Variants in UBR3 observed in about 807,000 individuals in gnomAD.
The protein encoded by UBR3 is ubiquitin protein ligase E3 component n-recognin 3.
A neutral mutation model predicts 243.2 loss-of-function variants in UBR3; 85 were observed. The observed-to-expected ratio is 0.35, with a 90% CI of 0.29 to 0.42. The LOEUF (loss-of-function observed/expected upper bound fraction) is 0.42. Ranked by LOEUF, UBR3 falls within the 10% of genes least tolerant of loss-of-function variation. UBR3 has a pLI of 1.00. For missense variants in UBR3, 1,686 were observed against 2,300.8 expected, an observed-to-expected ratio of 0.73 and a Z score of 5.47; for synonymous variants, 748 against 799.8, an observed-to-expected ratio of 0.94 and a Z score of 1.09.
chr2:169,968,344 A>C (rs947591238), intron 24 of UBR3, among the ~76,000 whole-genome samples: 1 of 152,086 alleles, frequency 6.6e-6, no homozygotes, highest in Non-Finnish European at 1.5e-5. Context: ...CTCTCTTCAT[A>C]TCCTCCTCCC....
intron 24 of UBR3, among the ~76,000 whole-genome samples, chr2:169,970,618 T>G (rs1237087697): frequency 8.6e-6 from 1 of 116,386 alleles, no homozygotes; most frequent in Non-Finnish European, 1.9e-5. Flanking sequence ...AATGATGATT[T>G]CCAATTTCAT....
At chr2:170,056,033 ACTCTCTGT>A (rs2091327616) in intron 33 of UBR3, among the ~76,000 whole-genome samples, 1 of 123,356 alleles carries the variant, frequency 8.1e-6, no homozygotes, top group African/African-American at 3.1e-5. Flanking sequence ...TTTGTGGCAG[ACTCTCTGT>A]CTGTCACCTA....
Position 169,981,127 on chromosome 2 carries a change from G to A in UBR3, c.3635-5518G>A, listed in dbSNP as rs1293269145. Among the ~76,000 whole-genome samples the A allele has an allele frequency of 5.9e-5, 9 of 152,004 alleles. No homozygotes were observed. The East Asian group carries it at 1.7e-3, about 29-fold the overall frequency. On this transcript the variant is annotated intron_variant, in intron 24 of 38. Transcript: ENST00000272793. ...CTAGTATAAATGATTGAATAAATAA[G>A]GTAGCATAGAGAAGTTTCCTATGCA...
intron 1 of UBR3, among the ~76,000 whole-genome samples, chr2:169,838,393 GTGTGTGTGT>G (rs2082181800): frequency 6.0e-4 from 5 of 8,398 alleles, no homozygotes; most frequent in African/African-American, 1.5e-3. Context: ...GCATTTGTGT[GTGTGTGTGT>G]GTGTGTGTGT....
intron 1 of UBR3, among the ~76,000 whole-genome samples, chr2:169,842,760 T>C (rs565038090): frequency 3.5e-4 from 54 of 152,214 alleles, no homozygotes; most frequent in African/African-American, 1.3e-3. Flanking sequence ...AGGGACAGAC[T>C]CCAGACACGC....
intron 2 of UBR3, among the ~76,000 whole-genome samples, chr2:169,873,747 T>C (rs10194560): frequency 0.99 from 150,146 of 152,302 alleles, 74,035 homozygotes; most frequent in East Asian, 1. Flanking sequence ...TGATTTGGTT[T>C]CAAATTACTG....
At chr2:169,879,236 C>A (rs2083731372) in intron 5 of UBR3, among the ~76,000 whole-genome samples, 1 of 151,534 alleles carries the variant, frequency 6.6e-6, no homozygotes, top group Non-Finnish European at 1.5e-5. Context: ...TAATTAAAAT[C>A]TAAAAAATAA....
chr2:170,024,332 C>T (rs944806634), intron 30 of UBR3, among the ~76,000 whole-genome samples: 2 of 114,574 alleles, frequency 1.7e-5, no homozygotes, highest in Non-Finnish European at 3.3e-5. Flanking sequence ...CCATCTTGGG[C>T]GACAGTGCGA....
rs539873531 is a variant in UBR3, at chr2:169,917,319, T to C, written c.1866+3173T>C. 1.7e-4 allele frequency among the ~76,000 whole-genome samples: 26 copies of C among 152,320 alleles called. No individual in the cohort carries two copies. In the South Asian group the frequency reaches 5.4e-3, roughly 32 times the overall value. On this transcript the variant is annotated intron_variant, in intron 11 of 38. Transcript: ENST00000272793. ...CCCACTTCCAACCTGCTTCCCTCCT[T>C]CTTCACCCTGTCCAGGGTCAGTCCC...
intron 1 of UBR3, among the ~76,000 whole-genome samples, chr2:169,869,253 GCT>G (rs1317099935): frequency 1.7e-4 from 19 of 109,178 alleles, no homozygotes; most frequent in African/African-American, 5.8e-4. Context: ...ATGGAGTCTT[GCT>G]CTGTCACCTA....
In UBR3 at chr2:169,878,084, G is replaced by A. The variant is rs549513906; in HGVS notation, c.989-441G>A. ...ATTTGAGATAAATGTTGGAGGCTGG[G>A]CACGGAGGCTTATGCCTATAAATCC... On this transcript the variant is annotated intron_variant, in intron 4 of 38. Coordinates refer to ENST00000272793, the MANE Select transcript of UBR3 (RefSeq NM_172070.4). 2.9e-3 allele frequency among the ~76,000 whole-genome samples: 441 copies of A among 152,328 alleles called. 2 individuals are homozygous for A. Among genetic ancestry groups the A allele is most frequent in the African/African-American group, 0.01 (424 of 41,582 alleles).
At chr2:169,895,613 T>C (rs561604576) in intron 7 of UBR3, among the ~76,000 whole-genome samples, 9 of 152,226 alleles carry the variant, frequency 5.9e-5, no homozygotes, top group African/African-American at 2.2e-4. Context: ...AAATATGTAG[T>C]TACAAATTGT....
intron 35 of UBR3, among the ~76,000 whole-genome samples, chr2:170,061,848 T>A (rs76620276): frequency 0.043 from 6,529 of 152,342 alleles, 155 homozygotes; most frequent in Middle Eastern, 0.061. Context: ...CATATGACTA[T>A]ATGTTAATCT....
chr2:169,874,456 A>G (rs2083534227), intron 2 of UBR3, among the ~76,000 whole-genome samples: 1 of 152,194 alleles, frequency 6.6e-6, no homozygotes, highest in Admixed American at 6.5e-5. Flanking sequence ...GGTGTGAGCC[A>G]TTGTGCCCAG....
chr2:169,838,387 TTGTGTGTGTGTGTGTGTGTG>T (rs544974959), intron 1 of UBR3, among the ~76,000 whole-genome samples: 2,021 of 114,464 alleles, frequency 0.018, 30 homozygotes, highest in African/African-American at 0.04. Context: ...ATTAAGGCAT[TTGTGTGTGTGTGTGTGTGTG>T]TGTGTGTGTG....
chr2:169,935,354 A>G (rs2105352001), intron 19 of UBR3, among the ~76,000 whole-genome samples: 1 of 152,190 alleles, frequency 6.6e-6, no homozygotes, highest in South Asian at 2.1e-4. Context: ...TGTTTTGTAG[A>G]GGTGGGTTCT....
chr2:170,080,443 T>G (rs2091888114), intron 37 of UBR3, 102 bp from the exon 38 acceptor site: 2 of 1,170,398 alleles, frequency 1.7e-6, no homozygotes, highest in Non-Finnish European at 2.3e-6. Flanking sequence ...AATCTTACTA[T>G]TTTTAAATCA....
chr2:169,892,717 G>C (rs571914342), intron 6 of UBR3, among the ~76,000 whole-genome samples: 2 of 152,258 alleles, frequency 1.3e-5, no homozygotes, highest in Non-Finnish European at 2.9e-5. Flanking sequence ...CTCAATTTTT[G>C]TAAGAATTTT....
At chr2:169,828,124 A>G in intron 1 of UBR3, 72 bp downstream of exon 1, 1 of 1,318,702 alleles carries the variant, frequency 7.6e-7, no homozygotes, top group Non-Finnish European at 9.7e-7. Context: ...GGAGCGGAGC[A>G]CTGGGAGCCC....
Sources: allele counts gnomAD v4.1 joint callset (sites outside exome capture counted in the v4.1 genomes callset), GRCh38; gene constraint gnomAD v4.1.1; transcripts MANE v1.5; gene names NCBI Gene and HGNC (gene_info 2026-07-23, HGNC 2026-07-21).